The following SIL1 variants were observed in gnomAD, a reference collection of about 807,000 sequenced individuals.
The protein encoded by SIL1 is nucleotide exchange factor SIL1.
Under a neutral mutation model 49.1 loss-of-function variants are expected in SIL1, and 40 were observed. That is an observed-to-expected ratio of 0.81 (90% confidence interval 0.63 to 1.06). The LOEUF (loss-of-function observed/expected upper bound fraction) is 1.06. Among genes scored for constraint, SIL1 ranks in the 50% least tolerant of loss-of-function variants. The probability of loss-of-function intolerance (pLI) is 0.00; values close to 1 mark genes in which losing one functional copy is unlikely to be tolerated. For synonymous variants in SIL1, 253 were observed against 250.8 expected, an observed-to-expected ratio of 1.01 and a Z score of -0.08; for missense variants, 500 against 572.6, an observed-to-expected ratio of 0.87 and a Z score of 1.29.
intron 3 of SIL1, among the ~76,000 whole-genome samples, chr5:139,065,232 G>T (rs920835645): frequency 6.6e-6 from 1 of 152,066 alleles, no homozygotes; most frequent in South Asian, 2.1e-4. Context: ...GTACCACATC[G>T]AAAACACCCA....
chr5:139,140,876 T>C (rs181619465), intron 1 of SIL1, among the ~76,000 whole-genome samples: 3 of 152,336 alleles, frequency 2.0e-5, no homozygotes, highest in Admixed American at 2.0e-4. Context: ...CTAAAAATAT[T>C]AAGCAGAGTA....
chr5:139,073,240 A>G (rs1769874687), intron 3 of SIL1, among the ~76,000 whole-genome samples: 1 of 152,220 alleles, frequency 6.6e-6, no homozygotes. Flanking sequence ...CATGTCATAG[A>G]GACGTCTGCA....
At chr5:139,031,942 A>T (rs1401417490) in intron 5 of SIL1, among the ~76,000 whole-genome samples, 2 of 152,258 alleles carry the variant, frequency 1.3e-5, no homozygotes, top group Non-Finnish European at 2.9e-5. Flanking sequence ...ATAGAAATAC[A>T]ATTGATTTGC....
At chr5:139,182,289 C>T (rs940255498) in intron 1 of SIL1, among the ~76,000 whole-genome samples, 2 of 152,126 alleles carry the variant, frequency 1.3e-5, no homozygotes, top group East Asian at 1.9e-4. Context: ...TGACGCAACA[C>T]GGAATGAGCA....
At chr5:139,112,462 G>A (rs1425542887) in intron 3 of SIL1, among the ~76,000 whole-genome samples, 2 of 146,636 alleles carry the variant, frequency 1.4e-5, no homozygotes, top group African/African-American at 5.1e-5. Flanking sequence ...CCGCCACCCA[G>A]TCTGGGATGT....
At chr5:139,109,372 T>A (rs1199134448) in intron 3 of SIL1, among the ~76,000 whole-genome samples, 4 of 152,282 alleles carry the variant, frequency 2.6e-5, no homozygotes, top group Admixed American at 2.0e-4. Flanking sequence ...TAAGAATTAA[T>A]CCCTAAGATC....
chr5:138,957,956 A>T (rs1766937802), intron 7 of SIL1, among the ~76,000 whole-genome samples: 1 of 148,734 alleles, frequency 6.7e-6, no homozygotes. Flanking sequence ...GGTTCTCACG[A>T]TATTGCCCAG....
At chr5:139,148,302 C>A (rs1751230793) in intron 1 of SIL1, among the ~76,000 whole-genome samples, 1 of 152,118 alleles carries the variant, frequency 6.6e-6, no homozygotes, top group Admixed American at 6.5e-5. Context: ...TGCCAAGAGT[C>A]ATCAGCCTGC....
chr5:139,007,097 G>T (rs1167534531), intron 7 of SIL1, among the ~76,000 whole-genome samples: 1 of 138,384 alleles, frequency 7.2e-6, no homozygotes, highest in Non-Finnish European at 1.5e-5. Context: ...CATGAGCATG[G>T]AATGTTCTTC....
In SIL1 at chr5:138,982,108, T is replaced by G. The variant is rs145758648; in HGVS notation, c.768-30224A>C. Reference sequence around the variant, plus strand: ...GGTGCCTGACATGTTGTAGGTACTTTTTTCTAAATATTCTTCATGTCTTGG... The same window carrying G: ...GGTGCCTGACATGTTGTAGGTACTTGTTTCTAAATATTCTTCATGTCTTGG... On this transcript the variant is annotated intron_variant, in intron 7 of 9. Transcript: ENST00000394817. Among the ~76,000 whole-genome samples, 245 of 152,358 alleles carry G rather than the reference T, an allele frequency of 1.6e-3. 1 individual carries two copies. The highest frequency in any genetic ancestry group is 2.5e-3 in the Admixed American group (39 of 15,306).
At chr5:138,960,569 A>T (rs550674108) in intron 7 of SIL1, among the ~76,000 whole-genome samples, 110 of 152,004 alleles carry the variant, frequency 7.2e-4, no homozygotes, top group African/African-American at 2.6e-3. Context: ...GGGACTACAG[A>T]CACACACCAC....
intron 2 of SIL1, among the ~76,000 whole-genome samples, chr5:139,121,479 G>A (rs1052287106): frequency 6.6e-6 from 1 of 152,114 alleles, no homozygotes; most frequent in African/African-American, 2.4e-5. Flanking sequence ...GACAGGGGCT[G>A]GCAAAACGAA....
intron 1 of SIL1, among the ~76,000 whole-genome samples, chr5:139,180,460 T>G (rs1751964031): frequency 6.6e-6 from 1 of 151,852 alleles, no homozygotes; most frequent in Non-Finnish European, 1.5e-5. Flanking sequence ...AATGCTGCCT[T>G]TGTGGGTCAT....
chr5:139,032,280 T>C (rs1207964217), intron 5 of SIL1, among the ~76,000 whole-genome samples: 1 of 152,236 alleles, frequency 6.6e-6, no homozygotes, highest in African/African-American at 2.4e-5. Flanking sequence ...GAATGGGTAC[T>C]GAATATGGTC....
At chr5:139,031,066 G>GT (rs1427831739) in intron 5 of SIL1, among the ~76,000 whole-genome samples, 2 of 152,120 alleles carry the variant, frequency 1.3e-5, no homozygotes, top group Non-Finnish European at 2.9e-5. Context: ...CCTTCCAGTA[G>GT]TTTATCTTCT....
intron 7 of SIL1, among the ~76,000 whole-genome samples, chr5:138,996,585 T>C (rs1213096025): frequency 7.1e-6 from 1 of 141,084 alleles, no homozygotes; most frequent in Non-Finnish European, 1.5e-5. Context: ...AGTGGTGCAA[T>C]CTCGGCTTAC....
At chr5:139,099,754 T>C (rs921251749) in intron 3 of SIL1, among the ~76,000 whole-genome samples, 1 of 151,962 alleles carries the variant, frequency 6.6e-6, no homozygotes, top group Non-Finnish European at 1.5e-5. Flanking sequence ...ATACAGCAGG[T>C]AGAAGGATGG....
At chr5:139,152,778 C>T (rs1417277673) in intron 1 of SIL1, among the ~76,000 whole-genome samples, 1 of 152,168 alleles carries the variant, frequency 6.6e-6, no homozygotes, top group Non-Finnish European at 1.5e-5. Context: ...AACCTGCCAC[C>T]ATCCAGCCCT....
At chr5:139,123,833 T>G (rs1750704314) in intron 2 of SIL1, among the ~76,000 whole-genome samples, 1 of 152,186 alleles carries the variant, frequency 6.6e-6, no homozygotes, top group Admixed American at 6.5e-5. Context: ...GAAATCCAGA[T>G]TTTTATGTGA....
Sources: allele counts gnomAD v4.1 joint callset (sites outside exome capture counted in the v4.1 genomes callset), GRCh38; gene constraint gnomAD v4.1.1; transcripts MANE v1.5; gene names NCBI Gene and HGNC (gene_info 2026-07-23, HGNC 2026-07-21).